Variants in BRIP1 observed in about 807,000 individuals in gnomAD.
The protein encoded by BRIP1 is Fanconi anemia group J protein.
Under a neutral mutation model 119.7 loss-of-function variants are expected in BRIP1, and 88 were observed. The observed-to-expected ratio is 0.74, with a 90% CI of 0.62 to 0.88. The LOEUF (loss-of-function observed/expected upper bound fraction) is 0.88. Ranked by LOEUF, BRIP1 falls within the 40% of genes least tolerant of loss-of-function variation. BRIP1 has a pLI of 0.00. For missense variants in BRIP1, 1,259 were observed against 1,455.4 expected (o/e 0.87, Z 2.20); for synonymous variants, 443 against 496.5 (o/e 0.89, Z 1.43).
At chr17:61,731,952 CTTT>C (rs1170823788) in intron 16 of BRIP1, among the ~76,000 whole-genome samples, 2 of 131,526 alleles carry the variant, frequency 1.5e-5, no homozygotes, top group Non-Finnish European at 3.3e-5. Flanking sequence ...TGAATAGTTG[CTTT>C]TTTTCTTTTC....
In BRIP1 at chr17:61,767,261, G is replaced by C. The variant is rs1007219457; in HGVS notation, c.2097+9140C>G. On this transcript the variant is annotated intron_variant, in intron 14 of 19. Coordinates refer to ENST00000259008, the MANE Select transcript of BRIP1 (RefSeq NM_032043.3). This position sits in a 1 kb window ranked among gnomAD's most constrained non-coding sequence, Gnocchi z 5.7. ...GAAGAAATGACCACTAAAATGTATG[G>C]TTTGAAAAACTTTAGACATATATTT... 2.0e-5 allele frequency among the ~76,000 whole-genome samples: 3 copies of C among 151,978 alleles called. No homozygotes were observed. Among genetic ancestry groups the C allele is most frequent in the African/African-American group, 7.3e-5 (3 of 41,378 alleles).
In BRIP1 at chr17:61,815,045, C is replaced by T. The variant is rs1400234290; in HGVS notation, c.628-6288G>A. On this transcript the variant is annotated intron_variant, in intron 6 of 19. Transcript: ENST00000259008. This position sits in a 1 kb window ranked among gnomAD's most constrained non-coding sequence, Gnocchi z 4.1. Reference sequence around the variant, plus strand: ...TCAGGTAGAGAGTGAGGAATCAAGACTATGGAAGATAATCTTAAAAGCTAA... The same window carrying T: ...TCAGGTAGAGAGTGAGGAATCAAGATTATGGAAGATAATCTTAAAAGCTAA... 6.7e-6 allele frequency among the ~76,000 whole-genome samples: 1 copy of T among 149,888 alleles called. No homozygotes were observed. Among genetic ancestry groups the T allele is most frequent in the Non-Finnish European group, 1.5e-5 (1 of 67,612 alleles).
Position 61,834,761 on chromosome 17 carries a change from G to C in BRIP1, c.627+12340C>G, listed in dbSNP as rs1332466592. Among the ~76,000 whole-genome samples the C allele has an allele frequency of 1.3e-5, 2 of 152,146 alleles. No homozygotes were observed. The highest frequency in any genetic ancestry group is 6.5e-5 in the Admixed American group (1 of 15,270). ...CCAGAATTAGCCTGCTAGATGATGAGAGAGACCCACCTCATGGTCCCAGCT... is the reference window on the plus strand; with the variant it reads ...CCAGAATTAGCCTGCTAGATGATGACAGAGACCCACCTCATGGTCCCAGCT... On this transcript the variant is annotated intron_variant, in intron 6 of 19. Coordinates refer to ENST00000259008, the MANE Select transcript of BRIP1 (RefSeq NM_032043.3). This position sits in a 1 kb window ranked among gnomAD's most constrained non-coding sequence, Gnocchi z 4.4.
rs796529925 is a variant in BRIP1 at position 61,735,957 on chromosome 17, C to T, written c.2379+7056G>A. On this transcript the variant is annotated intron_variant, in intron 16 of 19. Transcript: ENST00000259008. This position sits in a 1 kb window ranked among gnomAD's most constrained non-coding sequence, Gnocchi z 4.4. ...CCCTGACCCAGCTAAGCCATGCCCA[C>T]ACTTGTGACCAATGGAAACTGAGAT... Among the ~76,000 whole-genome samples, 2 of 152,248 alleles carry T rather than the reference C, an allele frequency of 1.3e-5. No homozygotes were observed. Among genetic ancestry groups the T allele is most frequent in the African/African-American group, 4.8e-5 (2 of 41,538 alleles).
In BRIP1 at chr17:61,845,745, A is replaced by G. The variant is rs1421917605; in HGVS notation, c.627+1356T>C. Among the ~76,000 whole-genome samples the G allele has an allele frequency of 1.3e-5, 2 of 152,326 alleles. No individual in the cohort carries two copies. The highest frequency in any genetic ancestry group is 2.1e-4 in the South Asian group (1 of 4,828). ...ACAGGCGCTTCTCCCCAGGACATCC[A>G]TCCTGCTTCTGTATGCAAAAGTGTT... is the stretch of plus-strand genomic sequence containing the variant. On this transcript the variant is annotated intron_variant, in intron 6 of 19. Transcript: ENST00000259008. This position sits in a 1 kb window ranked among gnomAD's most constrained non-coding sequence, Gnocchi z 4.2.
Position 61,758,785 on chromosome 17 carries a change from T to C in BRIP1, c.2098-14194A>G, listed in dbSNP as rs1443701046. On this transcript the variant is annotated intron_variant, in intron 14 of 19. Coordinates refer to ENST00000259008, the MANE Select transcript of BRIP1 (RefSeq NM_032043.3). The surrounding 1 kb of genome is among the most constrained non-coding windows in gnomAD (Gnocchi z 5.3). Reference sequence around the variant, plus strand: ...GGATTGCTTGAGGCCAAAGGATTGCTTGAAGCCAGGAGTTTAAGACCAGTG... The same window carrying C: ...GGATTGCTTGAGGCCAAAGGATTGCCTGAAGCCAGGAGTTTAAGACCAGTG... Among the ~76,000 whole-genome samples, 1 of 151,778 alleles carries C rather than the reference T, an allele frequency of 6.6e-6. No homozygotes were observed. The highest frequency in any genetic ancestry group is 2.4e-5 in the African/African-American group (1 of 41,306).
In BRIP1 at chr17:61,693,934, A is replaced by T. The variant is rs548333955; in HGVS notation, c.2493-422T>A. ...TATTCTAAAATTCAATTGACATAAC[A>T]TGTAGTTTTTCTTCTTTTGACTGTT... On this transcript the variant is annotated intron_variant, in intron 17 of 19. Transcript: ENST00000259008. The surrounding 1 kb of genome is among the most constrained non-coding windows in gnomAD (Gnocchi z 4.2). 2.1e-4 allele frequency among the ~76,000 whole-genome samples: 32 copies of T among 152,202 alleles called. No individual in the cohort carries two copies. The highest frequency in any genetic ancestry group is 5.9e-4 in the Admixed American group (9 of 15,278).
chr17:61,786,514 C>G (rs1204632537), intron 10 of BRIP1, among the ~76,000 whole-genome samples: 1 of 150,176 alleles, frequency 6.7e-6, no homozygotes, highest in African/African-American at 2.4e-5. Context: ...TATTGATAAT[C>G]ATAATGATGA....
intron 10 of BRIP1, among the ~76,000 whole-genome samples, chr17:61,791,488 CAAAAAAAAAAAA>C (rs529710126): frequency 3.8e-5 from 2 of 52,920 alleles, no homozygotes; most frequent in Admixed American, 3.0e-4. Context: ...GACTTCATCT[CAAAAAAAAAAAA>C]AAAAAAAAAA....
At position 61,838,539 on chromosome 17, in the gene BRIP1, C is replaced by T. The variant is rs528988861; in HGVS notation, c.627+8562G>A. Among the ~76,000 whole-genome samples the T allele has an allele frequency of 2.2e-3, 309 of 139,818 alleles. 1 individual carries two copies. The highest frequency in any genetic ancestry group is 7.1e-3 in the Middle Eastern group (2 of 280). The allele number at this position is 139,818 out of a possible 152,430, so 91.7% of individuals were successfully genotyped here. A position where few individuals can be genotyped will look rare whatever the true frequency, so the allele number is the denominator to read the frequency against. Reference sequence around the variant, plus strand: ...AGCCTGGGCGACAGAGCGAGACTCCCTCTCAAAAAATAAATAAATAAATAA... The same window carrying T: ...AGCCTGGGCGACAGAGCGAGACTCCTTCTCAAAAAATAAATAAATAAATAA... On this transcript the variant is annotated intron_variant, in intron 6 of 19. Transcript: ENST00000259008.
Position 61,759,846 on chromosome 17 carries a change from T to C in BRIP1, c.2098-15255A>G, listed in dbSNP as rs986865385. ...CATAGTATTGGAAAAATGGTGACAA[T>C]AGACTTGCTTGACACAGGGTTGCCA... is the stretch of plus-strand genomic sequence containing the variant. On this transcript the variant is annotated intron_variant, in intron 14 of 19. Transcript: ENST00000259008. This position sits in a 1 kb window ranked among gnomAD's most constrained non-coding sequence, Gnocchi z 4.9. Among the ~76,000 whole-genome samples the C allele has an allele frequency of 3.3e-5, 5 of 150,100 alleles. No homozygotes were observed. The highest frequency in any genetic ancestry group is 9.8e-5 in the African/African-American group (4 of 40,774).
intron 6 of BRIP1, among the ~76,000 whole-genome samples, chr17:61,830,027 G>A (rs2078466952): frequency 6.6e-6 from 1 of 151,934 alleles, no homozygotes; most frequent in Admixed American, 6.5e-5. Context: ...CCGCCTCCTG[G>A]GTTCAAGCAA....
Position 61,857,167 on chromosome 17 carries a change from GCATGCACAACAA to G in BRIP1, c.258_269del (p.Cys87_Cys90del), listed in dbSNP as rs730881648. On this transcript the variant is annotated inframe_deletion, in exon 4 of 20. Transcript: ENST00000259008. This position sits in a 1 kb window ranked among gnomAD's most constrained non-coding sequence, Gnocchi z 5.1. ...CATTGTTTGTAAAATCCTTTGAATG[GCATGCACAACAA>G]CATGACAATTGTACTTCAGCTTTTT... The G allele has an allele frequency of 6.3e-5, 102 of 1,613,878 alleles. No individual in the cohort carries two copies. Among genetic ancestry groups the G allele is most frequent in the Non-Finnish European group, 8.6e-5 (101 of 1,179,928 alleles).
At position 61,754,115 on chromosome 17, in the gene BRIP1, C is replaced by G. The variant is rs142712712; in HGVS notation, c.2098-9524G>C. Reference sequence around the variant, plus strand: ...TGCTCTCTACAGTCCATTTTCCATACAGCAGCCAACATAATCCTTTTAAAA... The same window carrying G: ...TGCTCTCTACAGTCCATTTTCCATAGAGCAGCCAACATAATCCTTTTAAAA... On this transcript the variant is annotated intron_variant, in intron 14 of 19. Transcript: ENST00000259008. The surrounding 1 kb of genome is among the most constrained non-coding windows in gnomAD (Gnocchi z 4.1). Among the ~76,000 whole-genome samples the G allele has an allele frequency of 3.3e-5, 5 of 152,336 alleles. No homozygotes were observed. In the East Asian group the frequency reaches 9.6e-4, roughly 29 times the overall value.
rs1023153535 is a variant in BRIP1 at position 61,709,502 on chromosome 17, A to G, written c.2492+6449T>C. Among the ~76,000 whole-genome samples the G allele has an allele frequency of 2.0e-5, 3 of 152,178 alleles. No individual in the cohort carries two copies. The highest frequency in any genetic ancestry group is 6.6e-5 in the Admixed American group (1 of 15,242). On this transcript the variant is annotated intron_variant, in intron 17 of 19. Coordinates refer to ENST00000259008, the MANE Select transcript of BRIP1 (RefSeq NM_032043.3). The surrounding 1 kb of genome is among the most constrained non-coding windows in gnomAD (Gnocchi z 5.0). ...GACCATAACACTGGGAAGGATAGGAAGAAGATTAATATTGTCAATACTACA... is the reference window on the plus strand; with the variant it reads ...GACCATAACACTGGGAAGGATAGGAGGAAGATTAATATTGTCAATACTACA...
rs1043561509 is a variant in BRIP1 at position 61,729,888 on chromosome 17, G to A, written c.2379+13125C>T. The stretch of plus-strand genomic sequence containing the variant: ...TGGGGGGTGTCTAGATCCCACTACC[G>A]GCATCTAGTGGGTAAATGCTAGAGA... On this transcript the variant is annotated intron_variant, in intron 16 of 19. Coordinates refer to ENST00000259008, the MANE Select transcript of BRIP1 (RefSeq NM_032043.3). The surrounding 1 kb of genome is among the most constrained non-coding windows in gnomAD (Gnocchi z 5.6). Among the ~76,000 whole-genome samples the A allele has an allele frequency of 1.4e-4, 22 of 151,958 alleles. No homozygotes were observed. Among genetic ancestry groups the A allele is most frequent in the African/African-American group, 4.6e-4 (19 of 41,366 alleles).
intron 11 of BRIP1, among the ~76,000 whole-genome samples, chr17:61,782,893 T>A (rs1419168012): frequency 6.6e-6 from 1 of 152,202 alleles, no homozygotes; most frequent in Admixed American, 6.5e-5. Flanking sequence ...TGCTGCTACA[T>A]AAACTGTTGG....
intron 14 of BRIP1, among the ~76,000 whole-genome samples, chr17:61,747,673 C>T (rs559642363): frequency 3.9e-5 from 6 of 152,046 alleles, no homozygotes; most frequent in Middle Eastern, 3.4e-3. Context: ...GCCTCAATAC[C>T]GATTCTACAA....
At chr17:61,829,567 A>AT (rs2078458784) in intron 6 of BRIP1, among the ~76,000 whole-genome samples, 2 of 152,160 alleles carry the variant, frequency 1.3e-5, no homozygotes, top group African/African-American at 4.8e-5. Context: ...GACCTAACTG[A>AT]TTTTTATAAA....
Sources: gnomAD v4.1 joint callset for allele counts (sites outside exome capture counted in the v4.1 genomes callset) on GRCh38, gnomAD v4.1.1 for gene constraint, Gnocchi (gnomAD v3.1) non-coding constraint, MANE v1.5 for transcripts, NCBI Gene and HGNC (gene_info 2026-07-23, HGNC 2026-07-21) for gene names.